Variants in ZDHHC20 observed in about 807,000 individuals in gnomAD.
ZDHHC20 encodes zDHHC palmitoyltransferase 20.
Under a neutral mutation model 57.8 loss-of-function variants are expected in ZDHHC20, and 43 were observed. The ratio of observed to expected loss-of-function variants is 0.74; its 90% CI spans 0.58 to 0.96. ZDHHC20 has a LOEUF of 0.96. Ranked by LOEUF, ZDHHC20 falls within the 40% of genes least tolerant of loss-of-function variation. The probability of loss-of-function intolerance (pLI) is 0.00; values close to 1 mark genes in which losing one functional copy is unlikely to be tolerated. For synonymous variants in ZDHHC20, 157 were observed against 153.0 expected (o/e 1.03, Z -0.19); for missense variants, 391 against 441.1 (o/e 0.89, Z 1.02).
intron 4 of ZDHHC20, among the ~76,000 whole-genome samples, chr13:21,405,364 C>T (rs1878297273): frequency 6.6e-6 from 1 of 152,116 alleles, no homozygotes; most frequent in East Asian, 1.9e-4. Flanking sequence ...AGAGCTACCG[C>T]TTTAGAAATC....
Position 21,374,087 on chromosome 13 carries a change from T to C in ZDHHC20, c.*2609A>G, listed in dbSNP as rs1194956529. On this transcript the variant is annotated 3_prime_UTR_variant, in exon 13 of 13. Coordinates refer to ENST00000400590, the MANE Select transcript of ZDHHC20 (RefSeq NM_001330059.2). ...GTTCCCTTGGCGTTAGCCAGGTGCATGCAAATCTTTTTATCTGAATGTAGA... is the reference window on the plus strand; with the variant it reads ...GTTCCCTTGGCGTTAGCCAGGTGCACGCAAATCTTTTTATCTGAATGTAGA... The C allele has an allele frequency of 6.3e-6, 1 of 158,126 alleles. No homozygotes were observed. The highest frequency in any genetic ancestry group is 2.4e-5 in the African/African-American group (1 of 41,726). The allele number at this position is 158,126 out of a possible 1,614,324, so 9.8% of individuals were successfully genotyped here. A position where few individuals can be genotyped will look rare whatever the true frequency, so the allele number is the denominator to read the frequency against.
chr13:21,382,034 G>C, intron 10 of ZDHHC20: 3 of 450,120 alleles, frequency 6.7e-6, no homozygotes, highest in South Asian at 4.7e-5. Context: ...GGAAGGAAAG[G>C]AAGAGGAAAA....
At chr13:21,422,321 A>G (rs1244346155) in intron 2 of ZDHHC20, among the ~76,000 whole-genome samples, 2 of 152,046 alleles carry the variant, frequency 1.3e-5, no homozygotes, top group Non-Finnish European at 2.9e-5. Context: ...GTAAAAGCTA[A>G]CATGTATTCA....
At chr13:21,456,822 C>T (rs747197178) in intron 1 of ZDHHC20, among the ~76,000 whole-genome samples, 21 of 152,192 alleles carry the variant, frequency 1.4e-4, no homozygotes, top group African/African-American at 2.4e-5. Flanking sequence ...GGCCTCAAGC[C>T]TAACTAAGTG....
intron 6 of ZDHHC20, 28 bp downstream of exon 6, chr13:21,401,625 G>A: frequency 1.3e-6 from 2 of 1,528,682 alleles, no homozygotes; most frequent in Non-Finnish European, 8.8e-7. Context: ...CACCACCAAT[G>A]CAATTTCTTC....
At chr13:21,435,166 A>G (rs551135739) in intron 1 of ZDHHC20, among the ~76,000 whole-genome samples, 1 of 152,134 alleles carries the variant, frequency 6.6e-6, no homozygotes, top group South Asian at 2.1e-4. Context: ...GAGGGTCAGT[A>G]TCTTTTCTTA....
chr13:21,398,851 C>T (rs570742991), intron 7 of ZDHHC20, among the ~76,000 whole-genome samples: 3 of 152,082 alleles, frequency 2.0e-5, no homozygotes, highest in East Asian at 1.9e-4. Flanking sequence ...CCCATGTGAG[C>T]GCTAGGGCTA....
chr13:21,408,233 T>C (rs1407678948), intron 4 of ZDHHC20, among the ~76,000 whole-genome samples: 1 of 152,220 alleles, frequency 6.6e-6, no homozygotes, highest in Non-Finnish European at 1.5e-5. Context: ...TTCACGATAT[T>C]GATTCTTCCT....
intron 7 of ZDHHC20, among the ~76,000 whole-genome samples, chr13:21,397,460 T>C (rs548662607): frequency 1.8e-4 from 27 of 152,110 alleles, no homozygotes; most frequent in Admixed American, 5.9e-4. Context: ...TCAGGACTTA[T>C]AGACCAGCCT....
intron 1 of ZDHHC20, among the ~76,000 whole-genome samples, chr13:21,438,660 T>C (rs948970899): frequency 5.3e-5 from 8 of 152,240 alleles, no homozygotes; most frequent in Non-Finnish European, 7.3e-5. Context: ...TTACATAAAC[T>C]TAGTTGATAA....
chr13:21,375,372 T>C lies in ZDHHC20; in HGVS notation c.*1324A>G, dbSNP rs1871914145. On this transcript the variant is annotated 3_prime_UTR_variant, in exon 13 of 13. Transcript: ENST00000400590. ...GGGTGTGTGTGTGTGTGTGTCTGTC[T>C]GTCTAAAAGGTGTAAATGAGGAGTG... The C allele has an allele frequency of 2.9e-6, 1 of 345,992 alleles. No homozygotes were observed. Among genetic ancestry groups the C allele is most frequent in the African/African-American group, 2.2e-5 (1 of 45,718 alleles). 21.4% of individuals were successfully genotyped at this position (345,992 alleles called of 1,614,324 possible).
chr13:21,395,065 CTTTCT>C (rs1297203323), intron 7 of ZDHHC20, among the ~76,000 whole-genome samples: 126 of 93,806 alleles, frequency 1.3e-3, no homozygotes, highest in African/African-American at 4.9e-3. Flanking sequence ...AGTTTAAATT[CTTTCT>C]TTTTTTTTTT....
At chr13:21,432,810 A>C (rs1354440404) in intron 1 of ZDHHC20, among the ~76,000 whole-genome samples, 1 of 152,238 alleles carries the variant, frequency 6.6e-6, no homozygotes. Context: ...TATATGGTAC[A>C]GGTAAAGGTT....
chr13:21,413,967 C>T (rs1879580468), intron 3 of ZDHHC20, among the ~76,000 whole-genome samples, 195 bp from the exon 4 acceptor site: 1 of 152,016 alleles, frequency 6.6e-6, no homozygotes, highest in Non-Finnish European at 1.5e-5. Flanking sequence ...AAAATATTTG[C>T]CCTCCACACC....
rs564074352 is a variant in ZDHHC20 at position 21,403,901 on chromosome 13, TG to T, written c.371-1036del. Among the ~76,000 whole-genome samples, 572 of 152,254 alleles carry T rather than the reference TG, an allele frequency of 3.8e-3. 3 individuals are homozygous for T. Among genetic ancestry groups the T allele is most frequent in the Non-Finnish European group, 5.5e-3 (377 of 68,014 alleles). ...CAGGGTTTCACCATATTGGTCAGGC[TG>T]GTCTCGAACTCCTGACCTCAGGTGA... On this transcript the variant is annotated intron_variant, in intron 4 of 12. Transcript: ENST00000400590.
At chr13:21,455,141 G>A (rs1008010424) in intron 1 of ZDHHC20, among the ~76,000 whole-genome samples, 15 of 152,006 alleles carry the variant, frequency 9.9e-5, no homozygotes, top group African/African-American at 2.7e-4. Flanking sequence ...GGATGGTTTC[G>A]ATCTCCTGAC....
chr13:21,427,394 A>G (rs2137935461), intron 1 of ZDHHC20, among the ~76,000 whole-genome samples: 1 of 152,308 alleles, frequency 6.6e-6, no homozygotes, highest in African/African-American at 2.4e-5. Context: ...ACTGGTAAGG[A>G]TGAAAACTTG....
Position 21,375,033 on chromosome 13 carries a change from C to A in ZDHHC20, c.*1663G>T, listed in dbSNP as rs780379035. The A allele has an allele frequency of 2.3e-6, 1 of 425,984 alleles. No homozygotes were observed. Among genetic ancestry groups the A allele is most frequent in the South Asian group, 1.7e-5 (1 of 59,482 alleles). The allele number at this position is 425,984 out of a possible 1,614,324, so 26.4% of individuals were successfully genotyped here. A position where few individuals can be genotyped will look rare whatever the true frequency, so the allele number is the denominator to read the frequency against. On this transcript the variant is annotated 3_prime_UTR_variant, in exon 13 of 13. Coordinates refer to ENST00000400590, the MANE Select transcript of ZDHHC20 (RefSeq NM_001330059.2). ...CCTGTAATCCCAGCTACTTGGGAGG[C>A]TGAGGCAGGAGACTCTATTGAACCT...
At chr13:21,418,690 C>G (rs1005463984) in intron 3 of ZDHHC20, among the ~76,000 whole-genome samples, 2 of 142,722 alleles carry the variant, frequency 1.4e-5, no homozygotes, top group East Asian at 3.9e-4. Flanking sequence ...TTGCTGTTGT[C>G]TGAGACAGGG....
Sources: allele counts gnomAD v4.1 joint callset (sites outside exome capture counted in the v4.1 genomes callset), GRCh38; gene constraint gnomAD v4.1.1; transcripts MANE v1.5; gene names NCBI Gene and HGNC (gene_info 2026-07-23, HGNC 2026-07-21).